IMMP2L: variants seen among roughly 807,000 people sequenced by gnomAD.
IMMP2L encodes mitochondrial inner membrane protease subunit 2.
A neutral mutation model predicts 19.3 loss-of-function variants in IMMP2L; 18 were observed. That is an observed-to-expected ratio of 0.93 (90% CI 0.64 to 1.38). The LOEUF is 1.38. IMMP2L is among the 40% of genes most tolerant of loss of function. The probability of loss-of-function intolerance (pLI) is 0.00; values close to 1 mark genes in which losing one functional copy is unlikely to be tolerated. For missense variants in IMMP2L, 233 were observed against 218.2 expected, an observed-to-expected ratio of 1.07 and a Z score of -0.43; for synonymous variants, 76 against 73.0, an observed-to-expected ratio of 1.04 and a Z score of -0.21.
intron 1 of IMMP2L, among the ~76,000 whole-genome samples, chr7:111,541,613 T>A (rs978640442): frequency 6.6e-6 from 1 of 152,168 alleles, no homozygotes; most frequent in Non-Finnish European, 1.5e-5. Flanking sequence ...TATTGTCTCA[T>A]CAACATCAAA....
intron 1 of IMMP2L, among the ~76,000 whole-genome samples, chr7:111,541,410 G>A (rs1394574282): frequency 1.3e-5 from 2 of 152,138 alleles, no homozygotes; most frequent in Non-Finnish European, 2.9e-5. Context: ...CTCATTTAGG[G>A]AAGTTTCTAA....
intron 5 of IMMP2L, among the ~76,000 whole-genome samples, chr7:110,738,436 A>T (rs1355627385): frequency 1.3e-5 from 2 of 152,236 alleles, no homozygotes; most frequent in African/African-American, 4.8e-5. Context: ...TCTCAGCAAT[A>T]GTCTCATCCA....
At chr7:110,699,776 A>AT (rs577518270) in intron 5 of IMMP2L, among the ~76,000 whole-genome samples, 227 of 152,026 alleles carry the variant, frequency 1.5e-3, no homozygotes, top group Non-Finnish European at 2.9e-3. Context: ...AAAAAAAAAA[A>AT]AAATAAGGTG....
At chr7:111,017,580 T>C (rs1332184490) in intron 3 of IMMP2L, among the ~76,000 whole-genome samples, 1 of 152,178 alleles carries the variant, frequency 6.6e-6, no homozygotes, top group East Asian at 1.9e-4. Flanking sequence ...GACATCCTCT[T>C]CGTTGTCCTT....
At chr7:110,789,196 G>A (rs889301574) in intron 5 of IMMP2L, among the ~76,000 whole-genome samples, 11 of 151,894 alleles carry the variant, frequency 7.2e-5, no homozygotes, top group African/African-American at 2.7e-4. Context: ...TCCCAACCAA[G>A]GCTTTAGATA....
At chr7:111,528,198 T>C (rs1010383462) in intron 1 of IMMP2L, among the ~76,000 whole-genome samples, 2 of 152,202 alleles carry the variant, frequency 1.3e-5, no homozygotes, top group African/African-American at 4.8e-5. Flanking sequence ...ATCATTCAGA[T>C]GATCCGGTCT....
At chr7:111,024,666 C>T (rs1488987748) in intron 3 of IMMP2L, among the ~76,000 whole-genome samples, 1 of 152,124 alleles carries the variant, frequency 6.6e-6, no homozygotes, top group Non-Finnish European at 1.5e-5. Context: ...AATCCTGACC[C>T]TGTTACTCCT....
intron 3 of IMMP2L, among the ~76,000 whole-genome samples, chr7:111,330,392 TGAA>T (rs1264654041): frequency 3.3e-5 from 5 of 151,784 alleles, no homozygotes; most frequent in South Asian, 2.1e-4. Flanking sequence ...ATGGAATTTC[TGAA>T]GAAGACTTTT....
intron 5 of IMMP2L, among the ~76,000 whole-genome samples, chr7:110,791,472 G>T (rs1159148924): frequency 6.6e-6 from 1 of 151,596 alleles, no homozygotes; most frequent in East Asian, 1.9e-4. Flanking sequence ...TATCTTTAAT[G>T]ATAATTATTC....
At chr7:111,089,733 C>T (rs1189733358) in intron 3 of IMMP2L, among the ~76,000 whole-genome samples, 2 of 151,884 alleles carry the variant, frequency 1.3e-5, no homozygotes, top group Non-Finnish European at 2.9e-5. Flanking sequence ...AAATGAGATG[C>T]TACTTTTATC....
intron 5 of IMMP2L, among the ~76,000 whole-genome samples, chr7:110,799,853 C>A (rs529748138): frequency 1.3e-5 from 2 of 152,128 alleles, no homozygotes; most frequent in African/African-American, 4.8e-5. Context: ...TTCAGTTCAC[C>A]CATAGAGTCT....
chr7:111,178,276 A>G (rs1045558522), intron 3 of IMMP2L, among the ~76,000 whole-genome samples: 12 of 152,112 alleles, frequency 7.9e-5, no homozygotes, highest in African/African-American at 2.2e-4. Flanking sequence ...CTAACAAAGT[A>G]TATAGCTTAA....
chr7:111,159,493 T>C (rs1031788114), intron 3 of IMMP2L, among the ~76,000 whole-genome samples: 3 of 152,136 alleles, frequency 2.0e-5, no homozygotes, highest in Admixed American at 1.3e-4. Flanking sequence ...AATAACCTTT[T>C]CTGTAATATT....
chr7:110,746,324 A>C (rs1223953616), intron 5 of IMMP2L, among the ~76,000 whole-genome samples: 1 of 152,108 alleles, frequency 6.6e-6, no homozygotes, highest in Non-Finnish European at 1.5e-5. Context: ...TTAATACCCC[A>C]CTGTCAACAT....
chr7:111,461,331 T>C (rs1840117882), intron 3 of IMMP2L, among the ~76,000 whole-genome samples: 1 of 152,208 alleles, frequency 6.6e-6, no homozygotes, highest in African/African-American at 2.4e-5. Flanking sequence ...GAAGCACATT[T>C]AATTTTTTTC....
At chr7:110,937,031 C>T (rs983260561) in intron 4 of IMMP2L, among the ~76,000 whole-genome samples, 3 of 152,004 alleles carry the variant, frequency 2.0e-5, no homozygotes, top group African/African-American at 7.2e-5. Context: ...CGGAGGGGAA[C>T]ATCACACACC....
At chr7:111,453,188 A>G (rs1410399639) in intron 3 of IMMP2L, among the ~76,000 whole-genome samples, 2 of 152,140 alleles carry the variant, frequency 1.3e-5, no homozygotes, top group African/African-American at 4.8e-5. Flanking sequence ...AAACCCAGAT[A>G]ATACTTCTGT....
chr7:111,081,620 A>G (rs1795894848), intron 3 of IMMP2L, among the ~76,000 whole-genome samples: 1 of 152,216 alleles, frequency 6.6e-6, no homozygotes. Flanking sequence ...AGCAAAAAGT[A>G]AAACAACAAG....
chr7:111,071,621 G>A (rs1121497), intron 3 of IMMP2L, among the ~76,000 whole-genome samples: 116,132 of 152,088 alleles, frequency 0.76, 47,296 homozygotes, highest in Non-Finnish European at 0.9. Flanking sequence ...CTAAGTGAAA[G>A]AATCCAGACA....
Sources: allele counts gnomAD v4.1 joint callset (sites outside exome capture counted in the v4.1 genomes callset), GRCh38; gene constraint gnomAD v4.1.1; transcripts MANE v1.5; gene names NCBI Gene and HGNC (gene_info 2026-07-23, HGNC 2026-07-21).